The following TIPIN variants were observed in gnomAD, a reference collection of about 807,000 sequenced individuals.
TIPIN encodes the protein TIMELESS interacting protein, also known as TIMELESS-interacting protein.
In TIPIN, 29 loss-of-function variants were observed where a neutral mutation model predicts 35.6. That is an observed-to-expected ratio of 0.82 (90% confidence interval 0.61 to 1.11). The LOEUF is 1.11. Ranked by LOEUF, TIPIN falls within the 50% of genes most tolerant of loss-of-function variation. The pLI is 0.00. For missense variants in TIPIN, 296 were observed against 345.4 expected (o/e 0.86, Z 1.13); for synonymous variants, 102 against 121.5 (o/e 0.84, Z 1.06).
At chr15:66,359,560 C>T (rs1330249378), upstream of TIPIN, among the ~76,000 whole-genome samples, 2 of 151,972 alleles carry the variant, frequency 1.3e-5, no homozygotes, top group African/African-American at 4.8e-5. Flanking sequence ...CCATGTTGGT[C>T]GGGCTGGTCT....
chr15:66,375,194 G>A (rs927299732), intron 1 of TIPIN, among the ~76,000 whole-genome samples: 2 of 152,026 alleles, frequency 1.3e-5, no homozygotes, highest in Admixed American at 6.6e-5. Context: ...TGAGAAGATC[G>A]CTTGAGGCCA....
intron 1 of TIPIN, among the ~76,000 whole-genome samples, chr15:66,384,483 G>A (rs561629945): frequency 1.3e-5 from 2 of 151,954 alleles, no homozygotes; most frequent in South Asian, 4.2e-4. Context: ...TAGTAGAGAC[G>A]GGGTTTCACC....
chr15:66,374,993 G>A (rs2093291040), intron 1 of TIPIN, among the ~76,000 whole-genome samples: 1 of 152,184 alleles, frequency 6.6e-6, no homozygotes, highest in Non-Finnish European at 1.5e-5. Flanking sequence ...TTACAGGCCT[G>A]AGCCACTGTG....
chr15:66,381,975 G>A (rs1172926374), intron 1 of TIPIN, among the ~76,000 whole-genome samples: 2 of 152,088 alleles, frequency 1.3e-5, no homozygotes, highest in Admixed American at 1.3e-4. Context: ...TGAGGCAGGA[G>A]AACCGCTTGA....
intron 1 of TIPIN, among the ~76,000 whole-genome samples, chr15:66,372,895 C>T (rs2093282561): frequency 6.6e-6 from 1 of 151,336 alleles, no homozygotes; most frequent in Non-Finnish European, 1.5e-5. Context: ...AGAGCAAGAC[C>T]CCGTCTTGGG....
chr15:66,344,250 C>A (rs2093107876), intron 6 of TIPIN, among the ~76,000 whole-genome samples: 1 of 152,014 alleles, frequency 6.6e-6, no homozygotes, highest in East Asian at 1.9e-4. Flanking sequence ...AGGTGTTGAC[C>A]ACTCTGGTCC....
At chr15:66,367,859 A>G (rs8041385) in intron 1 of TIPIN, among the ~76,000 whole-genome samples, 143,793 of 143,826 alleles carry the variant, frequency 1, 71,880 homozygotes, top group Middle Eastern at 1. Flanking sequence ...TTTTGATTCA[A>G]AGTCTTGCTC....
intron 1 of TIPIN, among the ~76,000 whole-genome samples, chr15:66,364,158 C>CTTTT (rs747825457): frequency 4.8e-3 from 354 of 73,652 alleles, no homozygotes; most frequent in African/African-American, 5.9e-3. Flanking sequence ...TCTTTCTTTT[C>CTTTT]TTTTTTTTTT....
intron 3 of TIPIN, among the ~76,000 whole-genome samples, chr15:66,351,817 T>C (rs2093170222): frequency 6.6e-6 from 1 of 152,040 alleles, no homozygotes; most frequent in Admixed American, 6.6e-5. Flanking sequence ...TTTTTTGTAT[T>C]TTTAGTAGAG....
intron 1 of TIPIN, chr15:66,383,425 G>C (rs560239879): frequency 5.2e-6 from 1 of 191,022 alleles, no homozygotes; most frequent in Admixed American, 6.5e-5. Flanking sequence ...ACCACATTCA[G>C]ATAATTTTTG....
At chr15:66,351,466 G>T in intron 4 of TIPIN, 59 bp downstream of exon 4, 2 of 1,243,008 alleles carry the variant, frequency 1.6e-6, no homozygotes, top group Non-Finnish European at 2.4e-6. Flanking sequence ...ATCATAATGG[G>T]TCCACATTTT....
rs564701210 is a variant in TIPIN at position 66,362,314 on chromosome 15, AAAG to A, written c.-8-9362_-8-9360del. On this transcript the variant is annotated intron_variant, in intron 1 of 7. Coordinates refer to the TIPIN transcript ENST00000562124. ...AGCGAAACTCCATCTAAAAAAAAAAAAAGAAGAAGAAGACTTTTGAAAGACCAA... is the reference window on the plus strand; with the variant it reads ...AGCGAAACTCCATCTAAAAAAAAAAAAAGAAGAAGACTTTTGAAAGACCAA... Among the ~76,000 whole-genome samples, 533 of 152,226 alleles carry A rather than the reference AAAG, an allele frequency of 3.5e-3. 1 individual carries two copies. The highest frequency in any genetic ancestry group is 0.02 in the Middle Eastern group (6 of 294).
rs77339262 is a variant in TIPIN at position 66,383,216 on chromosome 15, C to T, written c.-9+3391G>A. Among the ~76,000 whole-genome samples the T allele has an allele frequency of 7.3e-3, 1,105 of 151,982 alleles. 8 individuals carry two copies. Among genetic ancestry groups the T allele is most frequent in the Non-Finnish European group, 0.012 (793 of 67,990 alleles). ...TTGAACTAGTAAATATAAAATTATA[C>T]CAGAATTCAGATAGACTGCCTTGAT... On this transcript the variant is annotated intron_variant, in intron 1 of 7. Transcript: ENST00000562124.
upstream of TIPIN, among the ~76,000 whole-genome samples, chr15:66,356,869 T>G (rs1460742153): frequency 6.6e-6 from 1 of 152,198 alleles, no homozygotes; most frequent in Non-Finnish European, 1.5e-5. Context: ...AGGAACTCAG[T>G]TAAGCCTCCT....
intron 1 of TIPIN, among the ~76,000 whole-genome samples, chr15:66,355,714 G>T (rs1435074048): frequency 6.6e-6 from 1 of 152,144 alleles, no homozygotes; most frequent in Non-Finnish European, 1.5e-5. Context: ...CCGCGCCACT[G>T]CACTCCAGCC....
intron 6 of TIPIN, among the ~76,000 whole-genome samples, chr15:66,344,162 A>G (rs2093107213): frequency 6.6e-6 from 1 of 151,996 alleles, no homozygotes; most frequent in South Asian, 2.1e-4. Context: ...CAGTGGTATG[A>G]TCATAGCTCA....
Position 66,337,195 on chromosome 15 carries a change from T to TA in TIPIN, c.683-15dup. 1.2e-6 allele frequency: 2 copies of TA among 1,604,560 alleles called. No individual in the cohort carries two copies. Among genetic ancestry groups the TA allele is most frequent in the Non-Finnish European group, 1.7e-6 (2 of 1,172,924 alleles). On this transcript the variant is annotated splice_polypyrimidine_tract_variant and intron_variant, in intron 7 of 7. Coordinates refer to ENST00000261881, the MANE Select transcript of TIPIN (RefSeq NM_017858.3). Reference sequence around the variant, plus strand: ...TCATTAACATATCTGAAAGAAATCATACCATTATTATTCATTATAAGTACC... The same window carrying TA: ...TCATTAACATATCTGAAAGAAATCATAACCATTATTATTCATTATAAGTACC...
chr15:66,370,470 G>T (rs1402107144), intron 1 of TIPIN, among the ~76,000 whole-genome samples: 1 of 152,038 alleles, frequency 6.6e-6, no homozygotes, highest in Non-Finnish European at 1.5e-5. Flanking sequence ...GTCCTTGGTG[G>T]GGGGCTGGAG....
At chr15:66,355,234 C>T (rs1595802519) in intron 1 of TIPIN, among the ~76,000 whole-genome samples, 1 of 150,898 alleles carries the variant, frequency 6.6e-6, no homozygotes, top group Admixed American at 6.6e-5. Context: ...GGTGTTTCAC[C>T]GTGTTAGCCA....
Sources: gnomAD v4.1 joint callset for allele counts (sites outside exome capture counted in the v4.1 genomes callset) on GRCh38, gnomAD v4.1.1 for gene constraint, MANE v1.5 for transcripts, NCBI Gene and HGNC (gene_info 2026-07-23, HGNC 2026-07-21) for gene names.